Variants in HIBADH observed in about 807,000 individuals in gnomAD.
HIBADH encodes the protein 3-hydroxyisobutyrate dehydrogenase, mitochondrial.
A neutral mutation model predicts 36.1 loss-of-function variants in HIBADH; 25 were observed. That is an observed-to-expected ratio of 0.69 (90% CI 0.50 to 0.97). The LOEUF (loss-of-function observed/expected upper bound fraction) is 0.97. Ranked by LOEUF, HIBADH falls within the 50% of genes least tolerant of loss-of-function variation. The pLI is 0.00. For missense variants in HIBADH, 421 were observed against 418.0 expected (o/e 1.01, Z -0.06); for synonymous variants, 160 against 149.5 (o/e 1.07, Z -0.51).
At chr7:27,646,162 C>A (rs1173163036) in intron 2 of HIBADH, among the ~76,000 whole-genome samples, 1 of 152,156 alleles carries the variant, frequency 6.6e-6, no homozygotes, top group Admixed American at 6.5e-5. Context: ...TAAATTGTAA[C>A]TCCGTGGGTA....
intron 1 of HIBADH, among the ~76,000 whole-genome samples, chr7:27,655,820 T>C (rs1420836271): frequency 6.6e-6 from 1 of 152,172 alleles, no homozygotes; most frequent in Admixed American, 6.5e-5. Flanking sequence ...AATGATGTGA[T>C]ACCATTTTTC....
At chr7:27,578,501 G>T (rs1197199001) in intron 4 of HIBADH, among the ~76,000 whole-genome samples, 1 of 151,966 alleles carries the variant, frequency 6.6e-6, no homozygotes, top group Non-Finnish European at 1.5e-5. Context: ...TATTTTAGTA[G>T]AGACAGGGTT....
intron 1 of HIBADH, among the ~76,000 whole-genome samples, chr7:27,655,491 G>C (rs1334946493): frequency 2.0e-5 from 3 of 152,154 alleles, no homozygotes; most frequent in Admixed American, 6.5e-5. Flanking sequence ...AGAGTATATG[G>C]ATGTCAGTTA....
chr7:27,556,983 T>G (rs543207498), intron 4 of HIBADH, among the ~76,000 whole-genome samples: 96 of 151,936 alleles, frequency 6.3e-4, no homozygotes, highest in African/African-American at 2.3e-3. Context: ...TGACAAAAAT[T>G]TTTAAAATTA....
intron 4 of HIBADH, among the ~76,000 whole-genome samples, chr7:27,545,122 AC>A (rs1784218026): frequency 6.6e-6 from 1 of 152,172 alleles, no homozygotes; most frequent in African/African-American, 2.4e-5. Context: ...ATCATATAAC[AC>A]TATCAAGCCT....
chr7:27,588,031 G>A (rs1784888936), intron 4 of HIBADH, among the ~76,000 whole-genome samples: 1 of 152,134 alleles, frequency 6.6e-6, no homozygotes, highest in Non-Finnish European at 1.5e-5. Context: ...CTAAAATAGG[G>A]ATTACACAGT....
intron 4 of HIBADH, among the ~76,000 whole-genome samples, chr7:27,575,419 A>G (rs142707402): frequency 3.3e-5 from 5 of 152,356 alleles, no homozygotes; most frequent in African/African-American, 1.2e-4. Flanking sequence ...GTAGCAGAAA[A>G]TAAGAATGGA....
At chr7:27,571,201 T>TGA (rs1418790841) in intron 4 of HIBADH, among the ~76,000 whole-genome samples, 3 of 149,810 alleles carry the variant, frequency 2.0e-5, no homozygotes, top group Non-Finnish European at 4.4e-5. Flanking sequence ...TCTGGATCCT[T>TGA]ATTCATTTTC....
At chr7:27,617,984 CA>C (rs1209107409) in intron 4 of HIBADH, among the ~76,000 whole-genome samples, 4 of 152,194 alleles carry the variant, frequency 2.6e-5, no homozygotes, top group Non-Finnish European at 5.9e-5. Context: ...GTACCTGGGA[CA>C]AAGGAAACTG....
intron 4 of HIBADH, among the ~76,000 whole-genome samples, chr7:27,615,165 T>A (rs549465573): frequency 6.6e-6 from 1 of 152,188 alleles, no homozygotes; most frequent in Non-Finnish European, 1.5e-5. Flanking sequence ...GTAAATAAAA[T>A]GGATACAAAT....
At chr7:27,530,065 G>A (rs1393055292) in intron 7 of HIBADH, among the ~76,000 whole-genome samples, 9 of 152,182 alleles carry the variant, frequency 5.9e-5, no homozygotes, top group Non-Finnish European at 1.5e-5. Flanking sequence ...ACACTTAATA[G>A]ACTATGGCAT....
At chr7:27,583,196 A>G (rs1430846520) in intron 4 of HIBADH, among the ~76,000 whole-genome samples, 1 of 152,090 alleles carries the variant, frequency 6.6e-6, no homozygotes, top group African/African-American at 2.4e-5. Flanking sequence ...AAGCTTTATT[A>G]AGCATTAATT....
intron 4 of HIBADH, among the ~76,000 whole-genome samples, chr7:27,599,236 T>C (rs1217780926): frequency 6.6e-6 from 1 of 152,176 alleles, no homozygotes; most frequent in Non-Finnish European, 1.5e-5. Context: ...ATCAAATGCA[T>C]TCCTTAGGTT....
rs145659263 is a variant in HIBADH, at chr7:27,529,997, T to C, written c.852+1195A>G. ...AGGCTCAGATAATTGTTAGCTTTTT[T>C]AGCAATAGAGCATTTTAAAATTAAG... On this transcript the variant is annotated intron_variant, in intron 7 of 7. Transcript: ENST00000265395. Among the ~76,000 whole-genome samples the C allele has an allele frequency of 1.4e-3, 214 of 152,356 alleles. 1 individual carries two copies. Among genetic ancestry groups the C allele is most frequent in the African/African-American group, 4.9e-3 (203 of 41,582 alleles).
chr7:27,531,419 G>T, intron 6 of HIBADH, 71 bp from the exon 7 acceptor site: 1 of 1,331,148 alleles, frequency 7.5e-7, no homozygotes, highest in Non-Finnish European at 1.0e-6. Flanking sequence ...ATTTATGTAT[G>T]GGGATGCTCC....
Position 27,625,704 on chromosome 7 carries a change from A to T in HIBADH, c.484+3667T>A, listed in dbSNP as rs192576762. On this transcript the variant is annotated intron_variant, in intron 4 of 7. Coordinates refer to ENST00000265395, the MANE Select transcript of HIBADH (RefSeq NM_152740.4). Reference sequence around the variant, plus strand: ...GCACATATATTCAATATTTAATTTTAAAAATTGGGGAAAAAAACTTACTCC... The same window carrying T: ...GCACATATATTCAATATTTAATTTTTAAAATTGGGGAAAAAAACTTACTCC... 6.1e-3 allele frequency among the ~76,000 whole-genome samples: 930 copies of T among 152,250 alleles called. 8 individuals carry two copies. The highest frequency in any genetic ancestry group is 7.9e-3 in the Non-Finnish European group (536 of 68,016).
intron 4 of HIBADH, among the ~76,000 whole-genome samples, chr7:27,553,080 A>G (rs1784341257): frequency 6.6e-6 from 1 of 152,210 alleles, no homozygotes; most frequent in African/African-American, 2.4e-5. Flanking sequence ...CCTGCACAAC[A>G]CACAAATTAA....
chr7:27,653,454 G>A (rs1368500099), intron 1 of HIBADH, among the ~76,000 whole-genome samples: 4 of 152,108 alleles, frequency 2.6e-5, no homozygotes, highest in South Asian at 2.1e-4. Flanking sequence ...TACCATGACC[G>A]GCCGGGCGTG....
At chr7:27,606,407 T>C (rs1583593603) in intron 4 of HIBADH, among the ~76,000 whole-genome samples, 2 of 152,208 alleles carry the variant, frequency 1.3e-5, no homozygotes, top group South Asian at 4.1e-4. Context: ...AAATCATTAG[T>C]AATCTTTAAA....
Sources: gnomAD v4.1 joint callset for allele counts (sites outside exome capture counted in the v4.1 genomes callset) on GRCh38, gnomAD v4.1.1 for gene constraint, MANE v1.5 for transcripts, NCBI Gene and HGNC (gene_info 2026-07-23, HGNC 2026-07-21) for gene names.